The following TMEM132D variants were observed in gnomAD, a reference collection of about 807,000 sequenced individuals.
TMEM132D encodes the protein mature OL transmembrane protein.
Under a neutral mutation model 62.3 loss-of-function variants are expected in TMEM132D, and 21 were observed. That is an observed-to-expected ratio of 0.34 (90% CI 0.24 to 0.49). TMEM132D has a LOEUF of 0.49. Ranked by LOEUF, TMEM132D falls within the 20% of genes least tolerant of loss-of-function variation. TMEM132D has a pLI of 0.99. For missense variants in TMEM132D, 1,346 were observed against 1,402.8 expected (o/e 0.96, Z 0.65); for synonymous variants, 621 against 575.6 (o/e 1.08, Z -1.13).
intron 2 of TMEM132D, among the ~76,000 whole-genome samples, chr12:129,566,049 A>G (rs1337892696): frequency 6.6e-6 from 1 of 152,238 alleles, no homozygotes; most frequent in African/African-American, 2.4e-5. Flanking sequence ...TGTCTTGAAG[A>G]AAAGCACTTA....
intron 1 of TMEM132D, among the ~76,000 whole-genome samples, chr12:129,818,643 ATACT>A (rs1431125762): frequency 6.6e-6 from 1 of 151,666 alleles, no homozygotes; most frequent in Non-Finnish European, 1.5e-5. Context: ...GTTTATGTAA[ATACT>A]TTCTTTCAAG....
At chr12:129,473,363 C>G (rs892510094) in intron 3 of TMEM132D, among the ~76,000 whole-genome samples, 5 of 86,994 alleles carry the variant, frequency 5.7e-5, no homozygotes, top group Non-Finnish European at 8.3e-5. Flanking sequence ...AAGTCTTGCT[C>G]TTGTTGCCCA....
At chr12:129,635,826 G>A (rs1403961419) in intron 2 of TMEM132D, among the ~76,000 whole-genome samples, 2 of 152,174 alleles carry the variant, frequency 1.3e-5, no homozygotes, top group Non-Finnish European at 2.9e-5. Flanking sequence ...TGTGCCTAAG[G>A]TGGTTGAGGT....
chr12:129,574,958 C>G (rs1265543392), intron 2 of TMEM132D, among the ~76,000 whole-genome samples: 1 of 151,782 alleles, frequency 6.6e-6, no homozygotes, highest in Non-Finnish European at 1.5e-5. Flanking sequence ...AAACACTCTT[C>G]CTGCTTGCAG....
chr12:129,814,683 T>C (rs1442665113), intron 1 of TMEM132D, among the ~76,000 whole-genome samples: 2 of 151,980 alleles, frequency 1.3e-5, no homozygotes, highest in Non-Finnish European at 1.5e-5. Flanking sequence ...TGAGTTTGTA[T>C]TGAACTCAGC....
intron 2 of TMEM132D, among the ~76,000 whole-genome samples, chr12:129,674,561 CAG>C (rs770008910): frequency 5.9e-5 from 9 of 152,074 alleles, no homozygotes; most frequent in Non-Finnish European, 1.2e-4. Flanking sequence ...GTTTTTGAGA[CAG>C]AGTCTCAAAA....
intron 3 of TMEM132D, among the ~76,000 whole-genome samples, chr12:129,379,130 G>A (rs920329689): frequency 1.3e-5 from 2 of 152,148 alleles, no homozygotes; most frequent in Non-Finnish European, 2.9e-5. Flanking sequence ...GGAAATACTA[G>A]TTAGTCCTGT....
intron 2 of TMEM132D, among the ~76,000 whole-genome samples, chr12:129,601,144 C>G (rs1313440855): frequency 6.6e-6 from 1 of 152,156 alleles, no homozygotes; most frequent in Non-Finnish European, 1.5e-5. Flanking sequence ...CTGTCAGCAC[C>G]CTTGCTACTT....
intron 3 of TMEM132D, among the ~76,000 whole-genome samples, chr12:129,521,065 C>G (rs1875834991): frequency 6.6e-6 from 1 of 152,182 alleles, no homozygotes; most frequent in Admixed American, 6.5e-5. Flanking sequence ...TTTACACAGT[C>G]CCAGTTGATG....
chr12:129,538,940 T>G (rs35115130), intron 2 of TMEM132D, among the ~76,000 whole-genome samples: 1,992 of 31,492 alleles, frequency 0.063, no homozygotes, highest in East Asian at 0.19. Flanking sequence ...TGGCTACTAG[T>G]GACCCCTGGC....
chr12:129,876,995 C>T lies in TMEM132D; in HGVS notation c.79+26266G>A, dbSNP rs924181200. Among the ~76,000 whole-genome samples the T allele has an allele frequency of 3.3e-5, 5 of 151,996 alleles. No individual in the cohort carries two copies. The East Asian group carries it at 5.8e-4, about 18-fold the overall frequency. On this transcript the variant is annotated intron_variant, in intron 1 of 8. Coordinates refer to ENST00000422113, the MANE Select transcript of TMEM132D (RefSeq NM_133448.3). ...AAAGGAAACAAACTGTTGTTATGAGCGTGGGAATAGATGCAGAGCGTGGGA... is the reference window on the plus strand; with the variant it reads ...AAAGGAAACAAACTGTTGTTATGAGTGTGGGAATAGATGCAGAGCGTGGGA...
chr12:129,547,261 C>T (rs1411564741), intron 2 of TMEM132D, among the ~76,000 whole-genome samples: 2 of 152,202 alleles, frequency 1.3e-5, no homozygotes, highest in East Asian at 1.9e-4. Flanking sequence ...TTTCTAGAGA[C>T]AGGGTCTCAC....
At chr12:129,667,546 C>G (rs890950201) in intron 2 of TMEM132D, among the ~76,000 whole-genome samples, 3 of 152,006 alleles carry the variant, frequency 2.0e-5, no homozygotes, top group Non-Finnish European at 2.9e-5. Context: ...TTACGATGAC[C>G]AGGGATTGTA....
At chr12:129,893,544 T>G (rs1875002531) in intron 1 of TMEM132D, among the ~76,000 whole-genome samples, 1 of 152,002 alleles carries the variant, frequency 6.6e-6, no homozygotes, top group Non-Finnish European at 1.5e-5. Flanking sequence ...TTAAAAGAAG[T>G]CATCGCTTTT....
At chr12:129,619,139 G>A (rs1878996960) in intron 2 of TMEM132D, among the ~76,000 whole-genome samples, 1 of 152,162 alleles carries the variant, frequency 6.6e-6, no homozygotes, top group Admixed American at 6.5e-5. Context: ...GGTTAATGCT[G>A]GAGGGGATAA....
At chr12:129,088,704 C>T (rs1375607755) in intron 5 of TMEM132D, among the ~76,000 whole-genome samples, 2 of 44,942 alleles carry the variant, frequency 4.5e-5, no homozygotes, top group African/African-American at 1.6e-4. Flanking sequence ...GGGTGTCCTC[C>T]CTGACCGGGT....
At chr12:129,873,594 T>A (rs535497915) in intron 1 of TMEM132D, among the ~76,000 whole-genome samples, 1 of 152,312 alleles carries the variant, frequency 6.6e-6, no homozygotes, top group South Asian at 2.1e-4. Context: ...AAAGAATGGA[T>A]CTGTCTTGTT....
chr12:129,382,912 C>A (rs12305527), intron 3 of TMEM132D, among the ~76,000 whole-genome samples: 1,990 of 152,188 alleles, frequency 0.013, 37 homozygotes, highest in African/African-American at 0.045. Flanking sequence ...CAATCTGTAC[C>A]TTCCTGTTTG....
intron 1 of TMEM132D, among the ~76,000 whole-genome samples, chr12:129,896,158 TTG>T (rs948683492): frequency 1.1e-4 from 17 of 151,792 alleles, no homozygotes; most frequent in African/African-American, 3.1e-4. Flanking sequence ...TTGTTTTGTT[TTG>T]TTTTTGTAGA....
Sources: gnomAD v4.1 joint callset for allele counts (sites outside exome capture counted in the v4.1 genomes callset) on GRCh38, gnomAD v4.1.1 for gene constraint, MANE v1.5 for transcripts, NCBI Gene and HGNC (gene_info 2026-07-23, HGNC 2026-07-21) for gene names.